The following CBFA2T3 variants were observed in gnomAD, a reference collection of about 807,000 sequenced individuals.
CBFA2T3 encodes the protein CBFA2/RUNX1 partner transcriptional co-repressor 3.
Under a neutral mutation model 58.6 loss-of-function variants are expected in CBFA2T3, and 31 were observed. The observed-to-expected ratio is 0.53, with a 90% CI of 0.40 to 0.71. The LOEUF is 0.71. Among genes scored for constraint, CBFA2T3 ranks in the 30% least tolerant of loss-of-function variants. The probability of loss-of-function intolerance (pLI) is 0.00; values close to 1 mark genes in which losing one functional copy is unlikely to be tolerated. For missense variants in CBFA2T3, 1,076 were observed against 963.1 expected (o/e 1.12, Z -1.55); for synonymous variants, 531 against 421.9 (o/e 1.26, Z -3.17).
rs1440064430 is a variant in CBFA2T3 at position 88,876,271 on chromosome 16, CAA to C, written c.*703_*704del. The C allele has an allele frequency of 2.2e-5, 5 of 228,170 alleles. No homozygotes were observed. Among genetic ancestry groups the C allele is most frequent in the African/African-American group, 6.7e-5 (3 of 44,952 alleles). 14.1% of individuals were successfully genotyped at this position (228,170 alleles called of 1,614,324 possible). A position where few individuals can be genotyped will look rare whatever the true frequency, so the allele number is the denominator to read the frequency against. On this transcript the variant is annotated 3_prime_UTR_variant, in exon 12 of 12. Transcript: ENST00000268679. ...AACTTTTTGGATTTTTACTTAAAGC[CAA>C]AGAGTTTAACATTACAGGAAAAAAA...
intron 1 of CBFA2T3, among the ~76,000 whole-genome samples, chr16:88,954,799 C>G (rs80100804): frequency 2.0e-4 from 5 of 24,568 alleles, no homozygotes; most frequent in Non-Finnish European, 3.4e-4. Context: ...CCTGACCCCA[C>G]CCAAGGCTCC....
intron 11 of CBFA2T3, among the ~76,000 whole-genome samples, chr16:88,879,050 G>A (rs1157250061): frequency 1.3e-5 from 2 of 152,220 alleles, no homozygotes; most frequent in Non-Finnish European, 2.9e-5. Context: ...CTCAGTTTCT[G>A]GAACTACAGA....
Position 88,892,173 on chromosome 16 carries a change from C to T in CBFA2T3, c.621+71G>A, listed in dbSNP as rs3743540. 574 of 1,545,672 alleles carry T rather than the reference C, an allele frequency of 3.7e-4. No homozygotes were observed. The African/African-American group carries it at 4.4e-3, about 12-fold the overall frequency. ...GCGTGGAGCCCATGTAAGGAGTGGC[C>T]GTGGCTGCAACCTCATTAAACGGAG... On this transcript the variant is annotated intron_variant, in intron 4 of 11. Transcript: ENST00000268679.
intron 8 of CBFA2T3, chr16:88,881,759 A>C (rs1372683456): frequency 4.6e-6 from 2 of 435,966 alleles, no homozygotes; most frequent in Admixed American, 3.8e-5. Flanking sequence ...TAACCCGCTC[A>C]GCGGGGCTCT....
At chr16:88,929,364 C>T (rs1467936630) in intron 1 of CBFA2T3, among the ~76,000 whole-genome samples, 2 of 152,204 alleles carry the variant, frequency 1.3e-5, no homozygotes, top group Non-Finnish European at 2.9e-5. Context: ...CGGGAGGACC[C>T]GGTGACAGCA....
Position 88,877,093 on chromosome 16 carries a change from G to C in CBFA2T3, c.1845C>G (p.His615Gln). 1 of 1,542,318 alleles carries C rather than the reference G, an allele frequency of 6.5e-7. No individual in the cohort carries two copies. Among genetic ancestry groups the C allele is most frequent in the Non-Finnish European group, 8.7e-7 (1 of 1,143,168 alleles). ...CCACAGGCAGGGAGGGGCCCAGGCT[G>C]TGGGCGGCTTCGGGCGGTCCAGGCA... The part of the protein sequence containing the change: ...DPVPGPPEAA[H>Q]SLGPSLPVGA... The change falls in exon 12 of 12, where the codon CAC becomes CAG. Residue 615 changes from histidine (H) to glutamine (Q), a missense_variant. Coordinates refer to ENST00000268679, the MANE Select transcript of CBFA2T3 (RefSeq NM_005187.6).
chr16:88,941,119 A>C (rs1597766868), intron 1 of CBFA2T3: 1 of 981,198 alleles, frequency 1.0e-6, no homozygotes, highest in South Asian at 4.7e-5. Context: ...CGCCTCCACG[A>C]CTCAGGGGCG....
At chr16:88,941,976 C>T (rs1039953498) in intron 1 of CBFA2T3, 2 of 151,448 alleles carry the variant, frequency 1.3e-5, no homozygotes, top group African/African-American at 2.4e-5. Flanking sequence ...GGGCCACCTC[C>T]GTGCGTGGCC....
chr16:88,944,633 G>A (rs1971856358), intron 1 of CBFA2T3, among the ~76,000 whole-genome samples: 1 of 152,310 alleles, frequency 6.6e-6, no homozygotes, highest in African/African-American at 2.4e-5. Context: ...CCAAAGGGCA[G>A]CACCCACATC....
rs4782340 is a variant in CBFA2T3, at chr16:88,966,340, A to C, written c.151+10317T>G. Among the ~76,000 whole-genome samples the C allele has an allele frequency of 1.8e-4, 28 of 152,176 alleles. No individual in the cohort carries two copies. In the East Asian group the frequency reaches 4.8e-3, roughly 26 times the overall value. ...GCAGGAGTGAGGCCTGTGCCGGGGT[A>C]GGGGGGTGGCAGCCCCTGTGAGTGC... On this transcript the variant is annotated intron_variant, in intron 1 of 11. Transcript: ENST00000268679.
At chr16:88,904,574 G>A (rs2142657441) in intron 1 of CBFA2T3, among the ~76,000 whole-genome samples, 1 of 152,374 alleles carries the variant, frequency 6.6e-6, no homozygotes, top group South Asian at 2.1e-4. Context: ...ATTCAAACCT[G>A]AGGCCGAACG....
At chr16:88,956,130 G>A (rs1167379522) in intron 1 of CBFA2T3, among the ~76,000 whole-genome samples, 1 of 152,280 alleles carries the variant, frequency 6.6e-6, no homozygotes, top group Non-Finnish European at 1.5e-5. Flanking sequence ...CTTTGGGAAA[G>A]ACTCCATGTC....
intron 1 of CBFA2T3, among the ~76,000 whole-genome samples, chr16:88,903,013 G>A (rs1362859613): frequency 6.6e-6 from 1 of 152,096 alleles, no homozygotes; most frequent in African/African-American, 2.4e-5. Flanking sequence ...CACAGCCTGG[G>A]GCATGAAACA....
intron 5 of CBFA2T3, among the ~76,000 whole-genome samples, chr16:88,888,338 A>C (rs1431063163): frequency 2.0e-5 from 3 of 147,280 alleles, no homozygotes; most frequent in Admixed American, 2.0e-4. Context: ...CCCAGGCCAC[A>C]GTCAGGAACA....
intron 1 of CBFA2T3, among the ~76,000 whole-genome samples, chr16:88,927,933 C>T (rs181213055): frequency 8.2e-4 from 125 of 152,358 alleles, no homozygotes; most frequent in African/African-American, 2.9e-3. Flanking sequence ...ACGGGCAACC[C>T]TGCCCAGTGT....
At chr16:88,905,151 C>T (rs1255041169) in intron 1 of CBFA2T3, among the ~76,000 whole-genome samples, 1 of 151,860 alleles carries the variant, frequency 6.6e-6, no homozygotes, top group African/African-American at 2.4e-5. Context: ...GAGTGGGCAG[C>T]GGGGAGTCTG....
chr16:88,882,526 G>A (rs1183817219), intron 8 of CBFA2T3, 150 bp downstream of exon 8: 5 of 639,088 alleles, frequency 7.8e-6, no homozygotes, highest in Non-Finnish European at 1.4e-5. Context: ...CGTGGCTTGT[G>A]TGGGCATGGC....
chr16:88,936,889 C>G (rs1029038417), intron 1 of CBFA2T3: 1 of 152,284 alleles, frequency 6.6e-6, no homozygotes, highest in Non-Finnish European at 1.5e-5. Flanking sequence ...AAGCTGCGAG[C>G]TCAGAAGTGG....
chr16:88,967,681 G>A (rs1398506896), intron 1 of CBFA2T3, among the ~76,000 whole-genome samples: 5 of 152,172 alleles, frequency 3.3e-5, no homozygotes, highest in African/African-American at 9.7e-5. Context: ...GCTGCCCTGC[G>A]TGGCTCCCGC....
Sources: allele counts gnomAD v4.1 joint callset (sites outside exome capture counted in the v4.1 genomes callset), GRCh38; gene constraint gnomAD v4.1.1; transcripts MANE v1.5; gene names NCBI Gene and HGNC (gene_info 2026-07-23, HGNC 2026-07-21).